MTUS2: variants seen among roughly 807,000 people sequenced by gnomAD.
The protein encoded by MTUS2 is microtubule-associated tumor suppressor candidate 2.
MTUS2 carries 40 observed loss-of-function variants against 114.1 expected under a neutral mutation model. The ratio of observed to expected loss-of-function variants is 0.35; its 90% CI spans 0.27 to 0.46. MTUS2 has a LOEUF of 0.46. Among genes scored for constraint, MTUS2 ranks in the 20% least tolerant of loss-of-function variants. MTUS2 has a pLI of 1.00. For missense variants in MTUS2, 1,679 were observed against 1,705.4 expected, an observed-to-expected ratio of 0.98 and a Z score of 0.27; for synonymous variants, 688 against 672.0, an observed-to-expected ratio of 1.02 and a Z score of -0.37.
intron 2 of MTUS2, among the ~76,000 whole-genome samples, chr13:28,867,351 A>G (rs1877360610): frequency 6.6e-6 from 1 of 152,216 alleles, no homozygotes; most frequent in Admixed American, 6.5e-5. Context: ...AAATGTAAGA[A>G]AAAAATTATA....
At chr13:29,210,623 C>T (rs1222100841) in intron 5 of MTUS2, among the ~76,000 whole-genome samples, 3 of 152,176 alleles carry the variant, frequency 2.0e-5, no homozygotes, top group African/African-American at 7.2e-5. Context: ...AGGGTGCTCG[C>T]TTTATGTGGT....
intron 4 of MTUS2, among the ~76,000 whole-genome samples, chr13:29,096,250 A>G (rs1216925646): frequency 6.6e-6 from 1 of 152,160 alleles, no homozygotes; most frequent in Admixed American, 6.5e-5. Flanking sequence ...ACACAATCAC[A>G]CTAAGAATGT....
chr13:29,256,145 G>A (rs1473425155), intron 5 of MTUS2, among the ~76,000 whole-genome samples: 4 of 152,326 alleles, frequency 2.6e-5, no homozygotes, highest in East Asian at 1.9e-4. Flanking sequence ...GCATAATACC[G>A]ACATGATAAA....
intron 8 of MTUS2, among the ~76,000 whole-genome samples, chr13:29,376,013 GTATGTA>G (rs1180810403): frequency 1.2e-4 from 13 of 110,918 alleles, no homozygotes; most frequent in African/African-American, 3.2e-4. Flanking sequence ...GTGTGTGTGT[GTATGTA>G]TGTGTGTGTA....
At chr13:29,299,622 A>G (rs921657489) in intron 6 of MTUS2, among the ~76,000 whole-genome samples, 7 of 152,236 alleles carry the variant, frequency 4.6e-5, no homozygotes, top group African/African-American at 1.4e-4. Flanking sequence ...ACATGCTGGC[A>G]GAGACCTGAA....
At chr13:28,995,615 C>A (rs1885065134) in intron 2 of MTUS2, among the ~76,000 whole-genome samples, 1 of 152,062 alleles carries the variant, frequency 6.6e-6, no homozygotes, top group African/African-American at 2.4e-5. Flanking sequence ...AGGTCCTTCA[C>A]ATCCCTTGTA....
chr13:29,365,978 T>C (rs910121479), intron 8 of MTUS2, among the ~76,000 whole-genome samples: 2 of 152,184 alleles, frequency 1.3e-5, no homozygotes, highest in African/African-American at 4.8e-5. Flanking sequence ...AGAGATGAGT[T>C]TATTCACTTT....
At chr13:29,308,187 G>A (rs1009917326) in intron 6 of MTUS2, among the ~76,000 whole-genome samples, 3 of 152,112 alleles carry the variant, frequency 2.0e-5, no homozygotes, top group Non-Finnish European at 2.9e-5. Context: ...AAAACAGCAT[G>A]GTACTGGTAC....
At chr13:29,198,847 C>A (rs1894815119) in intron 5 of MTUS2, among the ~76,000 whole-genome samples, 1 of 152,096 alleles carries the variant, frequency 6.6e-6, no homozygotes, top group South Asian at 2.1e-4. Flanking sequence ...TGGGAGTTCA[C>A]TCATGATTTG....
chr13:29,196,042 T>C (rs1055621537), intron 5 of MTUS2, among the ~76,000 whole-genome samples: 1 of 151,606 alleles, frequency 6.6e-6, no homozygotes, highest in African/African-American at 2.4e-5. Flanking sequence ...AAGCCCAGAA[T>C]CACAGAGGCT....
intron 11 of MTUS2, among the ~76,000 whole-genome samples, chr13:29,491,934 G>C (rs1342348834): frequency 7.1e-6 from 1 of 141,316 alleles, no homozygotes; most frequent in African/African-American, 2.6e-5. Flanking sequence ...GTGTGTGGTA[G>C]GTGTGTGTGT....
At chr13:28,937,624 G>A (rs868415037) in intron 2 of MTUS2, among the ~76,000 whole-genome samples, 39 of 152,288 alleles carry the variant, frequency 2.6e-4, no homozygotes, top group African/African-American at 7.9e-4. Flanking sequence ...CACACCGCCT[G>A]ATGGACTTCC....
At chr13:29,151,333 C>T (rs1305409454) in intron 5 of MTUS2, among the ~76,000 whole-genome samples, 1 of 152,036 alleles carries the variant, frequency 6.6e-6, no homozygotes, top group Admixed American at 6.6e-5. Context: ...TGATTTGGCT[C>T]TCAGCTCAAA....
intron 1 of MTUS2, among the ~76,000 whole-genome samples, chr13:28,831,183 A>G (rs1261212856): frequency 5.3e-5 from 8 of 152,200 alleles, no homozygotes; most frequent in Non-Finnish European, 1.0e-4. Context: ...AAAATGATAT[A>G]TTGAAAAATA....
In MTUS2 at chr13:29,480,082, G is replaced by C; in HGVS notation, c.3185-68G>C. 2.0e-6 allele frequency: 3 copies of C among 1,472,626 alleles called. No individual in the cohort carries two copies. The highest frequency in any genetic ancestry group is 2.8e-6 in the Non-Finnish European group (3 of 1,080,798). 91.2% of individuals were successfully genotyped at this position (1,472,626 alleles called of 1,614,324 possible). On this transcript the variant is annotated intron_variant, in intron 9 of 15. Transcript: ENST00000612955. This position sits in a 1 kb window ranked among gnomAD's most constrained non-coding sequence, Gnocchi z 4.4. The stretch of plus-strand genomic sequence containing the variant: ...ACGCCAGCCTTGATGATCTGACCAT[G>C]GAGGCTGAGTCCTTCCCATGCCTCC...
chr13:28,911,771 T>G (rs1423599577), intron 2 of MTUS2, among the ~76,000 whole-genome samples: 1 of 152,156 alleles, frequency 6.6e-6, no homozygotes, highest in Non-Finnish European at 1.5e-5. Flanking sequence ...TGAGCTTTTT[T>G]TCATATGTTT....
chr13:29,457,979 C>T (rs1334203602), intron 9 of MTUS2, among the ~76,000 whole-genome samples: 1 of 152,152 alleles, frequency 6.6e-6, no homozygotes, highest in African/African-American at 2.4e-5. Context: ...GTCTTGATCT[C>T]CTGACCTCAT....
chr13:28,990,747 A>G (rs1884807445), intron 2 of MTUS2, among the ~76,000 whole-genome samples: 1 of 152,188 alleles, frequency 6.6e-6, no homozygotes, highest in African/African-American at 2.4e-5. Context: ...AACAGCGGCA[A>G]CCCACTTGGG....
intron 2 of MTUS2, among the ~76,000 whole-genome samples, chr13:28,887,355 C>T (rs1390172042): frequency 3.3e-5 from 5 of 152,154 alleles, no homozygotes; most frequent in Non-Finnish European, 7.4e-5. Flanking sequence ...GTTTCTGACG[C>T]ACCTCCCATG....
Sources: allele counts gnomAD v4.1 joint callset (sites outside exome capture counted in the v4.1 genomes callset), GRCh38; gene constraint gnomAD v4.1.1; non-coding constraint Gnocchi (gnomAD v3.1); transcripts MANE v1.5; gene names NCBI Gene and HGNC (gene_info 2026-07-23, HGNC 2026-07-21).